Variants in GLRB observed in about 807,000 individuals in gnomAD.
GLRB encodes the protein glycine receptor beta, also known as glycine receptor subunit beta.
GLRB carries 33 observed loss-of-function variants against 54.2 expected under a neutral mutation model. That is an observed-to-expected ratio of 0.61 (90% CI 0.46 to 0.81). GLRB has a LOEUF of 0.81. Ranked by LOEUF, GLRB falls within the 40% of genes least tolerant of loss-of-function variation. GLRB has a pLI of 0.00. For missense variants in GLRB, 572 were observed against 584.6 expected (o/e 0.98, Z 0.22); for synonymous variants, 209 against 208.2 (o/e 1.00, Z -0.03).
chr4:157,120,295 A>G (rs1394910469), intron 2 of GLRB, among the ~76,000 whole-genome samples: 1 of 151,006 alleles, frequency 6.6e-6, no homozygotes, highest in Non-Finnish European at 1.5e-5. Flanking sequence ...ATGACAAGTT[A>G]ATGGGTGCAG....
chr4:157,161,123 A>G (rs1737469921), intron 9 of GLRB, among the ~76,000 whole-genome samples: 1 of 152,026 alleles, frequency 6.6e-6, no homozygotes, highest in Non-Finnish European at 1.5e-5. Context: ...TGTTGGTTTA[A>G]GTCTGTTTTA....
At chr4:157,168,183 G>A (rs940199881) in intron 9 of GLRB, among the ~76,000 whole-genome samples, 3 of 151,086 alleles carry the variant, frequency 2.0e-5, no homozygotes, top group Admixed American at 6.6e-5. Flanking sequence ...AAGCCTGTCC[G>A]TACTTCTTGA....
intron 4 of GLRB, among the ~76,000 whole-genome samples, chr4:157,125,909 A>G (rs1735999645): frequency 6.6e-6 from 1 of 151,838 alleles, no homozygotes; most frequent in South Asian, 2.1e-4. Flanking sequence ...GATCATGCCA[A>G]AGGAAGTCTT....
intron 2 of GLRB, among the ~76,000 whole-genome samples, chr4:157,090,151 C>G (rs1035833005): frequency 6.6e-6 from 1 of 152,082 alleles, no homozygotes; most frequent in African/African-American, 2.4e-5. Context: ...GTCTAAGGTC[C>G]CCTCTACAAC....
chr4:157,119,149 A>G (rs1361043486), intron 2 of GLRB, among the ~76,000 whole-genome samples: 1 of 151,682 alleles, frequency 6.6e-6, no homozygotes, highest in Non-Finnish European at 1.5e-5. Context: ...TTCTTAATAA[A>G]GAGTTCATGA....
intron 2 of GLRB, among the ~76,000 whole-genome samples, chr4:157,101,523 C>A (rs1735024404): frequency 6.6e-6 from 1 of 152,110 alleles, no homozygotes; most frequent in Non-Finnish European, 1.5e-5. Context: ...CTCCACTTCT[C>A]CCCTCCTTAC....
intron 2 of GLRB, among the ~76,000 whole-genome samples, chr4:157,095,260 C>T (rs1391404989): frequency 7.0e-6 from 1 of 143,032 alleles, no homozygotes. Context: ...TAATATGTGC[C>T]TTGGTAGGTC....
intron 9 of GLRB, among the ~76,000 whole-genome samples, chr4:157,168,805 A>G (rs1438759345): frequency 2.0e-5 from 3 of 152,166 alleles, no homozygotes; most frequent in Non-Finnish European, 4.4e-5. Context: ...CAAAGCCAAC[A>G]TTTGTATGCT....
At chr4:157,157,914 C>T (rs1579249594) in intron 9 of GLRB, among the ~76,000 whole-genome samples, 1 of 152,306 alleles carries the variant, frequency 6.6e-6, no homozygotes, top group East Asian at 1.9e-4. Context: ...GGAATTGCCA[C>T]ACTGTCTTCT....
intron 9 of GLRB, among the ~76,000 whole-genome samples, chr4:157,165,228 G>C (rs936212541): frequency 5.9e-5 from 9 of 151,904 alleles, no homozygotes; most frequent in African/African-American, 2.2e-4. Flanking sequence ...TGAGTCATAA[G>C]ATTTTACATA....
intron 7 of GLRB, among the ~76,000 whole-genome samples, chr4:157,140,540 G>T (rs576456718): frequency 1.3e-5 from 2 of 151,804 alleles, no homozygotes; most frequent in Non-Finnish European, 1.5e-5. Context: ...GCTATACTAG[G>T]CATTGTTTTT....
At chr4:157,128,810 A>G (rs1051392790) in intron 4 of GLRB, among the ~76,000 whole-genome samples, 9 of 151,862 alleles carry the variant, frequency 5.9e-5, no homozygotes, top group Non-Finnish European at 1.5e-5. Context: ...TCTTATATGG[A>G]ATTTTAACCT....
At chr4:157,080,226 C>T (rs1734177102) in intron 2 of GLRB, among the ~76,000 whole-genome samples, 1 of 152,118 alleles carries the variant, frequency 6.6e-6, no homozygotes, top group South Asian at 2.1e-4. Flanking sequence ...ATGAATATGA[C>T]ATCTTCAAGT....
rs376519189 is a variant in GLRB at position 157,168,641 on chromosome 4, G to C, written c.1198-1791G>C. ...ACATCTTTTTTTTCAAATATCAAAT[G>C]TATAGAAAGGTGAACTTCTAGTTCC... On this transcript the variant is annotated intron_variant, in intron 9 of 9. Transcript: ENST00000264428. Among the ~76,000 whole-genome samples, 8 of 152,086 alleles carry C rather than the reference G, an allele frequency of 5.3e-5. No individual in the cohort carries two copies. In the South Asian group the frequency reaches 6.2e-4, roughly 12 times the overall value.
At chr4:157,127,695 A>G (rs1736064146) in intron 4 of GLRB, among the ~76,000 whole-genome samples, 1 of 151,836 alleles carries the variant, frequency 6.6e-6, no homozygotes, top group Admixed American at 6.6e-5. Flanking sequence ...GCTGTGATGC[A>G]GGAAGCATGA....
At chr4:157,144,222 T>G (rs780742319) in intron 8 of GLRB, among the ~76,000 whole-genome samples, 3 of 152,236 alleles carry the variant, frequency 2.0e-5, no homozygotes, top group Non-Finnish European at 4.4e-5. Flanking sequence ...TAATTATTTA[T>G]AAGTGATTTT....
chr4:157,147,764 A>C (rs1423644387), intron 8 of GLRB, among the ~76,000 whole-genome samples: 1 of 152,162 alleles, frequency 6.6e-6, no homozygotes, highest in African/African-American at 2.4e-5. Flanking sequence ...ATTTGCCCCA[A>C]AGGTAAGCAA....
At chr4:157,114,383 T>C (rs1230515361) in intron 2 of GLRB, among the ~76,000 whole-genome samples, 1 of 151,692 alleles carries the variant, frequency 6.6e-6, no homozygotes, top group Admixed American at 6.6e-5. Flanking sequence ...AGAATAGCTT[T>C]ATAGAGTTAT....
intron 2 of GLRB, among the ~76,000 whole-genome samples, chr4:157,079,096 G>A (rs1202835373): frequency 6.6e-6 from 1 of 152,068 alleles, no homozygotes; most frequent in Admixed American, 6.6e-5. Flanking sequence ...TAATAGGAAA[G>A]ATTAACATTA....
Sources: allele counts gnomAD v4.1 joint callset (sites outside exome capture counted in the v4.1 genomes callset), GRCh38; gene constraint gnomAD v4.1.1; transcripts MANE v1.5; gene names NCBI Gene and HGNC (gene_info 2026-07-23, HGNC 2026-07-21).